MAD1L1: variants seen among roughly 807,000 people sequenced by gnomAD.
The protein encoded by MAD1L1 is mitotic spindle assembly checkpoint protein MAD1.
A neutral mutation model predicts 96.9 loss-of-function variants in MAD1L1; 95 were observed. That is an observed-to-expected ratio of 0.98 (90% confidence interval 0.83 to 1.16). The LOEUF is 1.16. Ranked by LOEUF, MAD1L1 falls within the 50% of genes most tolerant of loss-of-function variation. The pLI is 0.00. For synonymous variants in MAD1L1, 473 were observed against 396.6 expected, an observed-to-expected ratio of 1.19 and a Z score of -2.29; for missense variants, 1,007 against 954.4, an observed-to-expected ratio of 1.06 and a Z score of -0.73.
intron 11 of MAD1L1, among the ~76,000 whole-genome samples, chr7:2,081,469 G>A (rs1562668304): frequency 6.6e-6 from 1 of 152,242 alleles, no homozygotes; most frequent in Non-Finnish European, 1.5e-5. Flanking sequence ...CTCAGCTGGA[G>A]GACACCAGCC....
intron 12 of MAD1L1, among the ~76,000 whole-genome samples, chr7:2,041,924 G>A (rs1036642717): frequency 6.6e-6 from 1 of 152,180 alleles, no homozygotes; most frequent in Admixed American, 6.5e-5. Context: ...CTCCTGCTCT[G>A]TTCCAGAGAG....
rs150959060 is a variant in MAD1L1, at chr7:1,901,079, G to C, written c.1808-2689C>G. On this transcript the variant is annotated intron_variant, in intron 17 of 18. Transcript: ENST00000265854. ...CCTCCATGCCACACAGACCCTCGGAGGTGAGGGGGCCCTGATCCTGGTCTC... is the reference window on the plus strand; with the variant it reads ...CCTCCATGCCACACAGACCCTCGGACGTGAGGGGGCCCTGATCCTGGTCTC... 1.3e-3 allele frequency among the ~76,000 whole-genome samples: 198 copies of C among 152,216 alleles called. 8 individuals carry two copies. In the East Asian group the frequency reaches 0.038, roughly 29 times the overall value.
intron 10 of MAD1L1, among the ~76,000 whole-genome samples, chr7:2,212,280 C>T (rs560177570): frequency 1.9e-4 from 29 of 152,312 alleles, no homozygotes; most frequent in African/African-American, 6.5e-4. Context: ...CAGCTCCACC[C>T]CACATCCCAC....
chr7:2,051,372 G>A (rs556393977), intron 12 of MAD1L1, among the ~76,000 whole-genome samples: 17 of 152,298 alleles, frequency 1.1e-4, no homozygotes, highest in African/African-American at 3.6e-4. Flanking sequence ...CAGGTTTCTC[G>A]TCCATAACCC....
At chr7:2,100,524 T>C (rs1372885467) in intron 11 of MAD1L1, among the ~76,000 whole-genome samples, 2 of 152,246 alleles carry the variant, frequency 1.3e-5, no homozygotes, top group Non-Finnish European at 2.9e-5. Context: ...TGCCTCGTCC[T>C]GGCAGGACAA....
At position 1,880,329 on chromosome 7, in the gene MAD1L1, G is replaced by A. The variant is rs940298671; in HGVS notation, c.1998+17871C>T. ...ACAGCTTTGGGAAGCCCTGCACCAG[G>A]TCATGATGTCTCTGCAGGGCCCCCA... On this transcript the variant is annotated intron_variant, in intron 18 of 18. Transcript: ENST00000265854. 4.6e-5 allele frequency among the ~76,000 whole-genome samples: 7 copies of A among 152,184 alleles called. No individual in the cohort carries two copies. In the South Asian group the frequency reaches 1.2e-3, roughly 27 times the overall value.
intron 5 of MAD1L1, among the ~76,000 whole-genome samples, chr7:2,221,684 A>G (rs544232560): frequency 1.1e-4 from 17 of 152,340 alleles, no homozygotes; most frequent in African/African-American, 4.1e-4. Flanking sequence ...CACAGGCTCC[A>G]GTTCAGAGGC....
intron 18 of MAD1L1, among the ~76,000 whole-genome samples, chr7:1,850,712 A>G (rs1470018257): frequency 6.6e-6 from 1 of 152,080 alleles, no homozygotes; most frequent in African/African-American, 2.4e-5. Context: ...TAGCCCTGTG[A>G]TCAGGCACCG....
chr7:2,032,321 C>T (rs1783264317), intron 12 of MAD1L1, among the ~76,000 whole-genome samples: 1 of 152,232 alleles, frequency 6.6e-6, no homozygotes, highest in Non-Finnish European at 1.5e-5. Context: ...GGAAGGCGCG[C>T]GCCCCAGGTC....
chr7:1,855,756 C>G (rs1784216955), intron 18 of MAD1L1, among the ~76,000 whole-genome samples: 1 of 152,204 alleles, frequency 6.6e-6, no homozygotes, highest in South Asian at 2.1e-4. Context: ...TCGGCAACAT[C>G]TGCTTTTCAC....
intron 12 of MAD1L1, among the ~76,000 whole-genome samples, chr7:2,042,956 G>A (rs1307653627): frequency 3.9e-5 from 6 of 152,114 alleles, no homozygotes; most frequent in African/African-American, 2.4e-5. Context: ...GCCAGAGGAC[G>A]CTGCCACAGG....
intron 15 of MAD1L1, among the ~76,000 whole-genome samples, chr7:1,958,494 A>G (rs1583916589): frequency 6.6e-6 from 1 of 152,238 alleles, no homozygotes; most frequent in Non-Finnish European, 1.5e-5. Flanking sequence ...TTCCAGCCTG[A>G]GAACTGCTCC....
At chr7:2,232,389 G>A (rs961626364) in intron 1 of MAD1L1, among the ~76,000 whole-genome samples, 1 of 152,226 alleles carries the variant, frequency 6.6e-6, no homozygotes, top group Non-Finnish European at 1.5e-5. Flanking sequence ...GGGGAAACCG[G>A]GCCCACACGC....
intron 18 of MAD1L1, chr7:1,874,366 G>T: frequency 5.4e-6 from 2 of 371,084 alleles, no homozygotes; most frequent in Non-Finnish European, 1.1e-5. Flanking sequence ...AAGCGTCTCA[G>T]GAGGAGACGT....
At chr7:1,921,724 C>G (rs1000336200) in intron 17 of MAD1L1, among the ~76,000 whole-genome samples, 1 of 152,048 alleles carries the variant, frequency 6.6e-6, no homozygotes, top group African/African-American at 2.4e-5. Flanking sequence ...GATCTGAATA[C>G]AGACCCGATT....
intron 18 of MAD1L1, among the ~76,000 whole-genome samples, chr7:1,832,617 G>GGTT (rs1159566503): frequency 2.0e-5 from 1 of 48,936 alleles, no homozygotes; most frequent in African/African-American, 1.1e-4. Flanking sequence ...TCATTGCTGT[G>GGTT]TTTTTTTTTT....
At chr7:1,864,244 C>T (rs1784667118) in intron 18 of MAD1L1, among the ~76,000 whole-genome samples, 1 of 152,176 alleles carries the variant, frequency 6.6e-6, no homozygotes, top group Non-Finnish European at 1.5e-5. Flanking sequence ...CTAGCAGAGA[C>T]ACCTGAACAC....
chr7:1,928,944 A>C (rs1789264107), intron 17 of MAD1L1, among the ~76,000 whole-genome samples: 1 of 152,160 alleles, frequency 6.6e-6, no homozygotes, highest in Admixed American at 6.5e-5. Context: ...CCAAGCAGGA[A>C]AAGTGTGAGT....
At chr7:2,224,287 T>C (rs1372316486) in intron 4 of MAD1L1, among the ~76,000 whole-genome samples, 1 of 152,094 alleles carries the variant, frequency 6.6e-6, no homozygotes, top group African/African-American at 2.4e-5. Flanking sequence ...AACAAGGGAA[T>C]CTCAGTAGTT....
Sources: gnomAD v4.1 joint callset for allele counts (sites outside exome capture counted in the v4.1 genomes callset) on GRCh38, gnomAD v4.1.1 for gene constraint, MANE v1.5 for transcripts, NCBI Gene and HGNC (gene_info 2026-07-23, HGNC 2026-07-21) for gene names.